Variants in TNNI3K observed in about 807,000 individuals in gnomAD.
TNNI3K encodes TNNI3 interacting kinase, also known as serine/threonine-protein kinase TNNI3K.
A neutral mutation model predicts 114.5 loss-of-function variants in TNNI3K; 140 were observed. The observed-to-expected ratio is 1.22, with a 90% CI of 1.07 to 1.41. The LOEUF (loss-of-function observed/expected upper bound fraction) is 1.41, where lower values mean the gene tolerates loss of function less well. Among genes scored for constraint, TNNI3K ranks in the 40% most tolerant of loss-of-function variants. The pLI, the probability that TNNI3K is intolerant of heterozygous loss-of-function variation, is 0.00. For synonymous variants in TNNI3K, 347 were observed against 347.5 expected, an observed-to-expected ratio of 1.00 and a Z score of 0.02; for missense variants, 1,125 against 1,007.6, an observed-to-expected ratio of 1.12 and a Z score of -1.58.
At chr1:74,414,434 C>T (rs1055252948) in intron 17 of TNNI3K, among the ~76,000 whole-genome samples, 2 of 152,170 alleles carry the variant, frequency 1.3e-5, no homozygotes, top group Admixed American at 6.5e-5. Flanking sequence ...TGATTCTGCT[C>T]ATGAACTGGT....
chr1:74,424,948 G>A (rs1665564752), intron 17 of TNNI3K, among the ~76,000 whole-genome samples: 1 of 152,076 alleles, frequency 6.6e-6, no homozygotes, highest in African/African-American at 2.4e-5. Flanking sequence ...GTAGTAAGAA[G>A]AGAGAACATA....
chr1:74,523,355 A>G (rs570845331), intron 23 of TNNI3K, among the ~76,000 whole-genome samples: 88 of 152,322 alleles, frequency 5.8e-4, no homozygotes, highest in African/African-American at 1.8e-3. Flanking sequence ...GTGTTTTTCT[A>G]TACACATATC....
At chr1:74,374,850 G>T (rs555057497) in intron 17 of TNNI3K, 2 of 152,050 alleles carry the variant, frequency 1.3e-5, no homozygotes, top group African/African-American at 2.4e-5. Flanking sequence ...ATTGGAGTTT[G>T]CTAGTCATTA....
chr1:74,309,381 A>AAAAAAAAAAAAAAAG (rs1553129785), intron 5 of TNNI3K, among the ~76,000 whole-genome samples: 2 of 143,962 alleles, frequency 1.4e-5, no homozygotes, highest in African/African-American at 5.4e-5. Context: ...AAAAAAAAAA[A>AAAAAAAAAAAAAAAG]GAAGAGATAA....
chr1:74,418,283 T>G (rs1665228088), intron 17 of TNNI3K: 1 of 391,266 alleles, frequency 2.6e-6, no homozygotes, highest in Non-Finnish European at 5.1e-6. Context: ...TCCTAACGAA[T>G]GAAGTCACCA....
At chr1:74,390,371 T>G (rs1663700605) in intron 17 of TNNI3K, among the ~76,000 whole-genome samples, 1 of 152,186 alleles carries the variant, frequency 6.6e-6, no homozygotes, top group African/African-American at 2.4e-5. Flanking sequence ...GCTTTGATTG[T>G]GTAACAGCAA....
At chr1:74,488,023 G>T (rs898444721) in intron 21 of TNNI3K, among the ~76,000 whole-genome samples, 4 of 152,152 alleles carry the variant, frequency 2.6e-5, no homozygotes, top group African/African-American at 9.7e-5. Context: ...TTGGAGAAGA[G>T]TAGGCAAAGG....
intron 5 of TNNI3K, 40 bp from the exon 6 acceptor site, chr1:74,331,410 C>A: frequency 6.3e-7 from 1 of 1,593,796 alleles, no homozygotes; most frequent in Non-Finnish European, 8.6e-7. Flanking sequence ...AGGCAGATAA[C>A]TCAACTGAAG....
At chr1:74,431,468 CACACT>C (rs1665894773) in intron 17 of TNNI3K, among the ~76,000 whole-genome samples, 1 of 151,948 alleles carries the variant, frequency 6.6e-6, no homozygotes, top group African/African-American at 2.4e-5. Flanking sequence ...CCAATCAGAC[CACACT>C]GTCTTTCTGA....
Position 74,533,951 on chromosome 1 carries a change from T to C in TNNI3K, c.2352-6283T>C, listed in dbSNP as rs996757586. Among the ~76,000 whole-genome samples, 7 of 152,304 alleles carry C rather than the reference T, an allele frequency of 4.6e-5. No homozygotes were observed. In the South Asian group the frequency reaches 1.2e-3, roughly 27 times the overall value. Reference sequence around the variant, plus strand: ...TGAAAAACTTTTGTTCAAGTTCAGTTTCTGCCTCTGGCTAGCTCTGTGAGT... The same window carrying C: ...TGAAAAACTTTTGTTCAAGTTCAGTCTCTGCCTCTGGCTAGCTCTGTGAGT... On this transcript the variant is annotated intron_variant, in intron 23 of 24. Transcript: ENST00000326637.
intron 5 of TNNI3K, among the ~76,000 whole-genome samples, chr1:74,290,022 A>G (rs480964): frequency 0.99 from 150,411 of 151,780 alleles, 74,546 homozygotes; most frequent in Middle Eastern, 1. Context: ...TCTCTATTCA[A>G]TAGTTGCTTC....
chr1:74,290,110 C>T (rs542754074), intron 5 of TNNI3K, among the ~76,000 whole-genome samples: 1 of 151,738 alleles, frequency 6.6e-6, no homozygotes, highest in African/African-American at 2.4e-5. Flanking sequence ...ATTAATCAAG[C>T]ACACTAAGCA....
intron 2 of TNNI3K, among the ~76,000 whole-genome samples, chr1:74,247,269 C>T (rs887760278): frequency 1.6e-4 from 25 of 152,012 alleles, no homozygotes; most frequent in African/African-American, 4.4e-4. Context: ...GCTCTTACCG[C>T]GGCGCATCTG....
intron 17 of TNNI3K, among the ~76,000 whole-genome samples, chr1:74,423,881 C>A (rs1665508806): frequency 6.6e-6 from 1 of 152,042 alleles, no homozygotes; most frequent in Non-Finnish European, 1.5e-5. Context: ...TACAACTATG[C>A]CCCGCACAGA....
chr1:74,257,861 GT>G (rs1655423055), intron 4 of TNNI3K, among the ~76,000 whole-genome samples: 1 of 151,744 alleles, frequency 6.6e-6, no homozygotes, highest in Non-Finnish European at 1.5e-5. Context: ...TAGAGACGGG[GT>G]TTCACCATGT....
At chr1:74,490,522 T>G (rs1669014290) in intron 22 of TNNI3K, among the ~76,000 whole-genome samples, 1 of 152,178 alleles carries the variant, frequency 6.6e-6, no homozygotes, top group Non-Finnish European at 1.5e-5. Context: ...CTTGTCTTAT[T>G]GTAATATATT....
chr1:74,399,211 C>G (rs1321067025), intron 17 of TNNI3K, among the ~76,000 whole-genome samples: 1 of 145,642 alleles, frequency 6.9e-6, no homozygotes, highest in Non-Finnish European at 1.5e-5. Context: ...TGCCTTGGAC[C>G]AAATGTCTCC....
chr1:74,517,160 C>A (rs1055096819), intron 23 of TNNI3K, among the ~76,000 whole-genome samples: 1 of 152,036 alleles, frequency 6.6e-6, no homozygotes, highest in Non-Finnish European at 1.5e-5. Flanking sequence ...TGGGCACTTT[C>A]TATATGCAAC....
intron 20 of TNNI3K, among the ~76,000 whole-genome samples, chr1:74,442,743 T>G (rs1666431848): frequency 6.6e-6 from 1 of 152,054 alleles, no homozygotes; most frequent in African/African-American, 2.4e-5. Flanking sequence ...CTCTTAAAAA[T>G]ATCAATGTCC....
Sources: gnomAD v4.1 joint callset for allele counts (sites outside exome capture counted in the v4.1 genomes callset) on GRCh38, gnomAD v4.1.1 for gene constraint, MANE v1.5 for transcripts, NCBI Gene and HGNC (gene_info 2026-07-23, HGNC 2026-07-21) for gene names.